Variants in COP1 observed in about 807,000 individuals in gnomAD.
COP1 encodes COP1 E3 ubiquitin ligase, also known as E3 ubiquitin-protein ligase COP1.
In COP1, 24 loss-of-function variants were observed where a neutral mutation model predicts 101.3. The ratio of observed to expected loss-of-function variants is 0.24; its 90% confidence interval spans 0.17 to 0.33. The LOEUF (loss-of-function observed/expected upper bound fraction) is 0.33. COP1 is among the 10% of genes least tolerant of loss of function. COP1 has a pLI of 1.00. For synonymous variants in COP1, 347 were observed against 341.9 expected (o/e 1.01, Z -0.17); for missense variants, 663 against 906.2 (o/e 0.73, Z 3.45).
intron 5 of COP1, among the ~76,000 whole-genome samples, chr1:176,161,125 T>C (rs528026416): frequency 6.6e-6 from 1 of 152,314 alleles, no homozygotes; most frequent in African/African-American, 2.4e-5. Flanking sequence ...TTTCCTCAGA[T>C]CTACTTATCT....
At chr1:176,078,951 A>G (rs1336120702) in intron 11 of COP1, among the ~76,000 whole-genome samples, 1 of 152,186 alleles carries the variant, frequency 6.6e-6, no homozygotes, top group East Asian at 1.9e-4. Context: ...ATACCATCTC[A>G]TAGCAGAATG....
At chr1:176,022,223 T>C (rs1347152261) in intron 15 of COP1, among the ~76,000 whole-genome samples, 1 of 152,198 alleles carries the variant, frequency 6.6e-6, no homozygotes, top group Non-Finnish European at 1.5e-5. Flanking sequence ...AAACTTATTG[T>C]AACAAGCACA....
intron 15 of COP1, among the ~76,000 whole-genome samples, chr1:175,992,682 C>T (rs1215361812): frequency 6.6e-6 from 1 of 152,188 alleles, no homozygotes; most frequent in Non-Finnish European, 1.5e-5. Flanking sequence ...AAGGCGGCAG[C>T]GAGGCTGGGG....
intron 15 of COP1, among the ~76,000 whole-genome samples, chr1:175,999,025 T>C (rs1660954304): frequency 6.6e-6 from 1 of 152,082 alleles, no homozygotes; most frequent in African/African-American, 2.4e-5. Context: ...TTTATGTCTT[T>C]CCATTTTAAA....
At chr1:176,067,880 A>C (rs1676284453) in intron 11 of COP1, among the ~76,000 whole-genome samples, 1 of 152,192 alleles carries the variant, frequency 6.6e-6, no homozygotes, top group African/African-American at 2.4e-5. Context: ...GTGGGGTCAG[A>C]GCCCACGCTC....
At chr1:175,993,192 T>C (rs565203420) in intron 15 of COP1, among the ~76,000 whole-genome samples, 1 of 152,232 alleles carries the variant, frequency 6.6e-6, no homozygotes, top group South Asian at 2.1e-4. Flanking sequence ...TCCTGTCTGT[T>C]AGAAGGAAAA....
At chr1:176,061,373 A>C (rs994486753) in intron 11 of COP1, among the ~76,000 whole-genome samples, 5 of 152,258 alleles carry the variant, frequency 3.3e-5, no homozygotes, top group Admixed American at 1.3e-4. Context: ...CACGCCTGTA[A>C]TCCCAGCACT....
chr1:176,069,144 G>A (rs1354526747), intron 11 of COP1, among the ~76,000 whole-genome samples: 1 of 151,538 alleles, frequency 6.6e-6, no homozygotes, highest in African/African-American at 2.4e-5. Flanking sequence ...AGGATTGCAC[G>A]ACTGCACTCC....
chr1:176,151,325 A>G (rs188927134), intron 5 of COP1, among the ~76,000 whole-genome samples: 1 of 141,284 alleles, frequency 7.1e-6, no homozygotes, highest in East Asian at 2.0e-4. Context: ...GAAAGAAGGA[A>G]AGAAAGAAAG....
chr1:176,072,983 CAA>C (rs1677279938), intron 11 of COP1, among the ~76,000 whole-genome samples: 2 of 152,022 alleles, frequency 1.3e-5, no homozygotes, highest in Admixed American at 1.3e-4. Context: ...TGAAACTTTA[CAA>C]AGTTTCAATA....
chr1:176,050,080 G>C (rs1672274532), intron 11 of COP1, among the ~76,000 whole-genome samples: 1 of 152,156 alleles, frequency 6.6e-6, no homozygotes. Flanking sequence ...CAATTTCACA[G>C]AATTTGTTTT....
chr1:176,201,156 G>A (rs1489439284), intron 1 of COP1, among the ~76,000 whole-genome samples: 1 of 151,928 alleles, frequency 6.6e-6, no homozygotes, highest in Non-Finnish European at 1.5e-5. Context: ...ATACTAACCT[G>A]GTAAATATAA....
chr1:175,949,184 A>AAAAAAAAAAAAAAAAAAAAAAAAAAG, intron 18 of COP1, among the ~76,000 whole-genome samples: 1 of 148,518 alleles, frequency 6.7e-6, no homozygotes, highest in African/African-American at 2.5e-5. Flanking sequence ...AAAAAAAAAA[A>AAAAAAAAAAAAAAAAAAAAAAAAAAG]AAAAAAAATG....
chr1:176,201,949 T>G (rs181246355), intron 1 of COP1, among the ~76,000 whole-genome samples: 287 of 152,336 alleles, frequency 1.9e-3, no homozygotes, highest in Non-Finnish European at 3.4e-3. Flanking sequence ...TAACTGAACA[T>G]GCTTTTAACA....
In COP1 at chr1:175,972,172, G is replaced by A. The variant is rs373033236; in HGVS notation, c.2133+14771C>T. ...AGGTGGTTCTTGGTCCTCACCTTCA[G>A]AAAGTCTAAATATAACAAGTATAGG... On this transcript the variant is annotated intron_variant, in intron 18 of 19. Coordinates refer to ENST00000367669, the MANE Select transcript of COP1 (RefSeq NM_022457.7). Among the ~76,000 whole-genome samples the A allele has an allele frequency of 1.2e-4, 18 of 152,266 alleles. No homozygotes were observed. In the East Asian group the frequency reaches 3.3e-3, roughly 28 times the overall value.
At chr1:176,018,890 A>T (rs573413814) in intron 15 of COP1, 1 of 152,004 alleles carries the variant, frequency 6.6e-6, no homozygotes, top group East Asian at 2.0e-4. Flanking sequence ...TCCAGGCCAG[A>T]CAAGGTGGTT....
At chr1:175,975,219 G>GA (rs1654234201) in intron 18 of COP1, among the ~76,000 whole-genome samples, 1 of 152,114 alleles carries the variant, frequency 6.6e-6, no homozygotes, top group African/African-American at 2.4e-5. Flanking sequence ...GATTTCATTT[G>GA]ATAGGATAAA....
intron 9 of COP1, among the ~76,000 whole-genome samples, chr1:176,110,553 T>C (rs11588480): frequency 0.034 from 5,109 of 152,266 alleles, 118 homozygotes; most frequent in Non-Finnish European, 0.047. Context: ...ACCAACTAGA[T>C]TGGAAACTTC....
At chr1:176,041,764 G>T (rs979616030) in intron 14 of COP1, among the ~76,000 whole-genome samples, 1 of 152,034 alleles carries the variant, frequency 6.6e-6, no homozygotes, top group African/African-American at 2.4e-5. Context: ...TCAGGAGTTC[G>T]AGACCAGCCT....
Sources: gnomAD v4.1 joint callset for allele counts (sites outside exome capture counted in the v4.1 genomes callset) on GRCh38, gnomAD v4.1.1 for gene constraint, MANE v1.5 for transcripts, NCBI Gene and HGNC (gene_info 2026-07-23, HGNC 2026-07-21) for gene names.